The following TBC1D1 variants were observed in gnomAD, a reference collection of about 807,000 sequenced individuals.
The protein encoded by TBC1D1 is TBC1 (tre-2/USP6, BUB2, cdc16) domain family, member 1.
In TBC1D1, 89 loss-of-function variants were observed where a neutral mutation model predicts 125.6. The observed-to-expected ratio is 0.71, with a 90% CI of 0.60 to 0.85. The LOEUF is 0.85. Ranked by LOEUF, TBC1D1 falls within the 40% of genes least tolerant of loss-of-function variation. The pLI, the probability that TBC1D1 is intolerant of heterozygous loss-of-function variation, is 0.00. For synonymous variants in TBC1D1, 565 were observed against 564.1 expected (o/e 1.00, Z -0.02); for missense variants, 1,377 against 1,469.2 (o/e 0.94, Z 1.03).
chr4:37,902,724 G>A (rs1360763248), intron 2 of TBC1D1, among the ~76,000 whole-genome samples: 2 of 152,210 alleles, frequency 1.3e-5, no homozygotes, highest in Non-Finnish European at 2.9e-5. Flanking sequence ...CAGTTTTTGA[G>A]TTCAAAAATT....
At chr4:38,061,287 C>G (rs1752696006) in intron 12 of TBC1D1, among the ~76,000 whole-genome samples, 1 of 151,404 alleles carries the variant, frequency 6.6e-6, no homozygotes, top group African/African-American at 2.4e-5. Context: ...ATTGTCAAGC[C>G]TACAAAAAAA....
intron 2 of TBC1D1, among the ~76,000 whole-genome samples, chr4:37,956,032 CT>C (rs61539790): frequency 0.47 from 68,074 of 144,278 alleles, 16,930 homozygotes; most frequent in East Asian, 0.91. Flanking sequence ...TTCAAATAAA[CT>C]TTTTTTTTTT....
In TBC1D1 at chr4:38,050,502, C is replaced by T. The variant is rs1027830840; in HGVS notation, c.1910+604C>T. ...TTGGGTTCCTGTGACCAGTTAGAAT[C>T]GTCTGGTTATGGAGAAGAGTAATCA... On this transcript the variant is annotated intron_variant, in intron 11 of 19. Coordinates refer to ENST00000261439, the MANE Select transcript of TBC1D1 (RefSeq NM_015173.4). Among the ~76,000 whole-genome samples, 42 of 152,340 alleles carry T rather than the reference C, an allele frequency of 2.8e-4. 1 individual carries two copies. The highest frequency in any genetic ancestry group is 7.5e-4 in the African/African-American group (31 of 41,582).
At chr4:37,969,832 A>G (rs1731710874) in intron 2 of TBC1D1, among the ~76,000 whole-genome samples, 1 of 152,242 alleles carries the variant, frequency 6.6e-6, no homozygotes, top group Non-Finnish European at 1.5e-5. Flanking sequence ...TGTAACCATC[A>G]TCACCATCTA....
At chr4:38,024,151 T>C (rs767958732) in intron 6 of TBC1D1, among the ~76,000 whole-genome samples, 6 of 152,368 alleles carry the variant, frequency 3.9e-5, no homozygotes, top group Non-Finnish European at 7.3e-5. Context: ...ATGATTAATA[T>C]ATTCAACTGT....
At chr4:38,104,801 G>T (rs1299048106) in intron 15 of TBC1D1, among the ~76,000 whole-genome samples, 2 of 151,418 alleles carry the variant, frequency 1.3e-5, no homozygotes, top group Non-Finnish European at 2.9e-5. Flanking sequence ...TGTCGCCCAG[G>T]CTAGAGTGCA....
intron 12 of TBC1D1, among the ~76,000 whole-genome samples, chr4:38,075,484 A>T (rs1755429401): frequency 6.6e-6 from 1 of 152,226 alleles, no homozygotes; most frequent in Non-Finnish European, 1.5e-5. Context: ...TTCCACATAT[A>T]ACTCAGCGAA....
At chr4:37,992,656 G>A (rs1381343126) in intron 2 of TBC1D1, among the ~76,000 whole-genome samples, 1 of 150,514 alleles carries the variant, frequency 6.6e-6, no homozygotes, top group Non-Finnish European at 1.5e-5. Context: ...CACCACGCCC[G>A]GCTAGTTTTT....
intron 12 of TBC1D1, among the ~76,000 whole-genome samples, chr4:38,068,268 A>G (rs954203412): frequency 6.6e-6 from 1 of 152,212 alleles, no homozygotes; most frequent in Non-Finnish European, 1.5e-5. Flanking sequence ...GGTCACGTGC[A>G]GCCACCAGAG....
At chr4:38,074,225 G>T (rs746657348) in intron 12 of TBC1D1, among the ~76,000 whole-genome samples, 5 of 152,200 alleles carry the variant, frequency 3.3e-5, no homozygotes, top group Non-Finnish European at 5.9e-5. Flanking sequence ...TGAAAAGCAG[G>T]CATTGGGGGC....
At chr4:37,946,663 G>T (rs994594498) in intron 2 of TBC1D1, among the ~76,000 whole-genome samples, 1 of 152,170 alleles carries the variant, frequency 6.6e-6, no homozygotes, top group African/African-American at 2.4e-5. Flanking sequence ...AGAGGAAGCC[G>T]GGCTGTGAAA....
At position 37,942,695 on chromosome 4, in the gene TBC1D1, C is replaced by T. The variant is rs192173750; in HGVS notation, c.417+40183C>T. 7.9e-3 allele frequency among the ~76,000 whole-genome samples: 1,205 copies of T among 152,168 alleles called. 10 individuals are homozygous for T. Among genetic ancestry groups the T allele is most frequent in the African/African-American group, 0.027 (1,135 of 41,500 alleles). The stretch of plus-strand genomic sequence containing the variant: ...CTGGAACTACAGGTGCCCACCACCA[C>T]GCCTGGCTAATTTTTTTTGTATTTT... On this transcript the variant is annotated intron_variant, in intron 2 of 19. Coordinates refer to ENST00000261439, the MANE Select transcript of TBC1D1 (RefSeq NM_015173.4).
At chr4:38,069,849 A>AT (rs1469597991) in intron 12 of TBC1D1, among the ~76,000 whole-genome samples, 2 of 144,046 alleles carry the variant, frequency 1.4e-5, no homozygotes, top group Non-Finnish European at 3.0e-5. Context: ...GCTTTCTTTC[A>AT]TTTTTTCTGT....
Position 38,111,246 on chromosome 4 carries a change from C to G in TBC1D1, c.2558-4464C>G, listed in dbSNP as rs935080147. Among the ~76,000 whole-genome samples the G allele has an allele frequency of 2.0e-5, 3 of 152,228 alleles. No individual in the cohort carries two copies. In the South Asian group the frequency reaches 6.2e-4, roughly 31 times the overall value. ...CTACCCACGTGACCTGCCTCTCCCT[C>G]TTTACTTGGTGTTTACTCAGGAATG... On this transcript the variant is annotated intron_variant, in intron 15 of 19. Coordinates refer to ENST00000261439, the MANE Select transcript of TBC1D1 (RefSeq NM_015173.4).
chr4:37,960,777 G>C (rs756769813), intron 2 of TBC1D1: 2 of 1,614,172 alleles, frequency 1.2e-6, no homozygotes, highest in Non-Finnish European at 1.7e-6. Flanking sequence ...TCCAGAAATA[G>C]AAAAATTCTT....
At chr4:37,930,776 T>A (rs1408957240) in intron 2 of TBC1D1, among the ~76,000 whole-genome samples, 2 of 152,246 alleles carry the variant, frequency 1.3e-5, no homozygotes, top group African/African-American at 4.8e-5. Context: ...ATGAAATAAA[T>A]ACTAAGCATA....
At chr4:37,926,582 G>A (rs1010788040) in intron 2 of TBC1D1, among the ~76,000 whole-genome samples, 1 of 152,188 alleles carries the variant, frequency 6.6e-6, no homozygotes, top group African/African-American at 2.4e-5. Context: ...TCTAGATCGA[G>A]GTGATGCGGC....
At chr4:38,106,637 G>A (rs1351057484) in intron 15 of TBC1D1, among the ~76,000 whole-genome samples, 1 of 152,142 alleles carries the variant, frequency 6.6e-6, no homozygotes, top group Admixed American at 6.5e-5. Context: ...GAGGAGGAAC[G>A]GGAAGGTGTC....
chr4:38,002,198 G>A (rs776734554), intron 2 of TBC1D1, among the ~76,000 whole-genome samples: 25 of 152,108 alleles, frequency 1.6e-4, no homozygotes, highest in Non-Finnish European at 1.3e-4. Context: ...CAAAACCTCA[G>A]TCGCTCTTGG....
Sources: gnomAD v4.1 joint callset for allele counts (sites outside exome capture counted in the v4.1 genomes callset) on GRCh38, gnomAD v4.1.1 for gene constraint, MANE v1.5 for transcripts, NCBI Gene and HGNC (gene_info 2026-07-23, HGNC 2026-07-21) for gene names.